DMD: variants seen among roughly 807,000 people sequenced by gnomAD.
DMD encodes dystrophin.
DMD carries 63 observed loss-of-function variants against 330.1 expected under a neutral mutation model. The ratio of observed to expected loss-of-function variants is 0.19; its 90% CI spans 0.16 to 0.24. The LOEUF (loss-of-function observed/expected upper bound fraction) is 0.24. Ranked by LOEUF, DMD falls within the 10% of genes least tolerant of loss-of-function variation. The pLI, the probability that DMD is intolerant of heterozygous loss-of-function variation, is 1.00. For synonymous variants in DMD, 1,223 were observed against 959.8 expected (o/e 1.27, Z -5.07); for missense variants, 3,344 against 2,684.1 (o/e 1.25, Z -5.43).
chrX:32,591,338 A>C (rs1048697801), intron 13 of DMD, among the ~76,000 whole-genome samples: 2 of 112,011 alleles, frequency 1.8e-5, no homozygotes, highest in Admixed American at 1.9e-4. Flanking sequence ...ACAGAATAAC[A>C]TACCTAAAAA....
intron 43 of DMD, among the ~76,000 whole-genome samples, chrX:32,262,816 T>C (rs1336804158): frequency 8.9e-6 from 1 of 111,932 alleles, no homozygotes; most frequent in Non-Finnish European, 1.9e-5. Flanking sequence ...GGCTCACATC[T>C]AATGACTAAT....
intron 66 of DMD, 77 bp from the exon 67 acceptor site, chrX:31,204,195 A>G: frequency 1.1e-6 from 1 of 915,725 alleles, no homozygotes; most frequent in Non-Finnish European, 1.6e-6. Context: ...ATCCAACTCA[A>G]TTCCAGTAGC....
intron 47 of DMD, among the ~76,000 whole-genome samples, chrX:31,921,145 C>A (rs60879516): frequency 0.37 from 40,104 of 109,592 alleles, 6,620 homozygotes; most frequent in African/African-American, 0.64. Flanking sequence ...TGAAAGTTTA[C>A]TTGCTTTCTG....
intron 44 of DMD, among the ~76,000 whole-genome samples, chrX:31,985,879 G>A (rs2095505572): frequency 1.8e-5 from 2 of 112,034 alleles, no homozygotes; most frequent in African/African-American, 3.2e-5. Context: ...TTTAGATAAA[G>A]TGACCTGGAA....
At chrX:32,732,731 C>A (rs1178110991) in intron 7 of DMD, among the ~76,000 whole-genome samples, 2 of 110,456 alleles carry the variant, frequency 1.8e-5, no homozygotes, top group South Asian at 7.8e-4. Context: ...TTGTCACCAC[C>A]AGGCCTGCCC....
intron 44 of DMD, among the ~76,000 whole-genome samples, chrX:32,201,259 A>C (rs1056857636): frequency 3.6e-5 from 4 of 112,164 alleles, no homozygotes; most frequent in African/African-American, 1.3e-4. Context: ...AATCATGTGA[A>C]TGTGATCTTT....
chrX:31,846,909 G>T lies in DMD; in HGVS notation c.7099-10090C>A, dbSNP rs892382131. On this transcript the variant is annotated intron_variant, in intron 48 of 78. Coordinates refer to ENST00000357033, the MANE Select transcript of DMD (RefSeq NM_004006.3). The stretch of plus-strand genomic sequence containing the variant: ...TTTAATTAATAAAATTGTTATTGGC[G>T]AATAAACAGAAATGGCAACAAGGCT... Among the ~76,000 whole-genome samples, 11 of 111,802 alleles carry T rather than the reference G, an allele frequency of 9.8e-5. 1 individual carries two copies. The South Asian group carries it at 4.1e-3, about 42-fold the overall frequency.
At chrX:32,666,435 C>G (rs773031701) in intron 9 of DMD, among the ~76,000 whole-genome samples, 101 of 110,944 alleles carry the variant, frequency 9.1e-4, no homozygotes, top group African/African-American at 3.1e-3. Context: ...TCAACTCCCA[C>G]TTATGAGTGA....
At position 33,019,899 on chromosome X, in the gene DMD, T is replaced by C. The variant is rs16990838; in HGVS notation, c.93+240A>G. Reference sequence around the variant, plus strand: ...TGAGGACTCATGTCATTAAAGAAACTCACATTGTCAAGAAGAATCAAAGAT... The same window carrying C: ...TGAGGACTCATGTCATTAAAGAAACCCACATTGTCAAGAAGAATCAAAGAT... On this transcript the variant is annotated intron_variant, in intron 2 of 78. Transcript: ENST00000357033. Among the ~76,000 whole-genome samples the C allele has an allele frequency of 0.065, 7,247 of 111,151 alleles. 586 individuals carry two copies. The highest frequency in any genetic ancestry group is 0.22 in the African/African-American group (6,740 of 30,482).
At chrX:32,902,250 G>C (rs1267454261) in intron 2 of DMD, among the ~76,000 whole-genome samples, 1 of 107,590 alleles carries the variant, frequency 9.3e-6, no homozygotes, top group East Asian at 2.9e-4. Flanking sequence ...CAGGTAAAAT[G>C]TCCTGTAAAT....
intron 1 of DMD, among the ~76,000 whole-genome samples, chrX:33,093,416 C>T (rs1325860): frequency 0.048 from 5,367 of 112,196 alleles, 246 homozygotes; most frequent in African/African-American, 0.14. Flanking sequence ...TGTCTTGTTA[C>T]TGTTTTGTTT....
intron 19 of DMD, among the ~76,000 whole-genome samples, chrX:32,492,484 A>C (rs1461381511): frequency 8.9e-6 from 1 of 112,667 alleles, no homozygotes; most frequent in East Asian, 2.8e-4. Flanking sequence ...AAACTTTATC[A>C]AGGGAAAAAT....
rs758932385 is a variant in DMD at position 32,614,323 on chromosome X, G to A, written c.1462C>T (p.Arg488Cys). The part of the protein sequence containing the change: ...PLGPDLEDLK[R>C]QVQQHKVLQE... ...CCTACCTTATGTTGTTGTACTTGGCGTTTTAGGTCTTCAAGATCAGGTCCA... is the reference window on the plus strand; with the variant it reads ...CCTACCTTATGTTGTTGTACTTGGCATTTTAGGTCTTCAAGATCAGGTCCA... The change falls in exon 12 of 79, where the codon CGC (arginine) becomes TGC (cysteine). Residue 488 changes from arginine (R) to cysteine (C), a missense_variant. Coordinates refer to ENST00000357033, the MANE Select transcript of DMD (RefSeq NM_004006.3). 7.6e-5 allele frequency: 92 copies of A among 1,205,796 alleles called. 1 individual carries two copies. Among genetic ancestry groups the A allele is most frequent in the Non-Finnish European group, 9.0e-5 (80 of 893,263 alleles).
At chrX:32,747,035 A>G (rs941610350) in intron 7 of DMD, among the ~76,000 whole-genome samples, 1 of 112,041 alleles carries the variant, frequency 8.9e-6, no homozygotes, top group Non-Finnish European at 1.9e-5. Context: ...ACAGGATTTC[A>G]TTCTTTTTAT....
At chrX:31,537,573 A>G (rs1039801285) in intron 55 of DMD, among the ~76,000 whole-genome samples, 1 of 112,145 alleles carries the variant, frequency 8.9e-6, no homozygotes, top group African/African-American at 3.2e-5. Context: ...GACAATTTCA[A>G]TAGTGTGCTG....
chrX:32,160,258 G>T (rs1018771892), intron 44 of DMD, among the ~76,000 whole-genome samples: 3 of 106,986 alleles, frequency 2.8e-5, no homozygotes, highest in Non-Finnish European at 5.8e-5. Context: ...TTTGAAGACA[G>T]GGTCTCACTC....
rs1279761524 is a variant in DMD at position 32,573,519 on chromosome X, A to G, written c.1812+11T>C. On this transcript the variant is annotated intron_variant, in intron 15 of 78. Coordinates refer to ENST00000357033, the MANE Select transcript of DMD (RefSeq NM_004006.3). ...TTTTTATAAGACCATTGAAAGCTAG[A>G]AAGTACATACGGCCAGTTTTTGAAG... 5.9e-6 allele frequency: 7 copies of G among 1,193,725 alleles called. No homozygotes were observed. The highest frequency in any genetic ancestry group is 8.0e-6 in the Non-Finnish European group (7 of 879,290).
chrX:31,408,697 C>T (rs2061508278), intron 60 of DMD, among the ~76,000 whole-genome samples: 1 of 98,287 alleles, frequency 1.0e-5, no homozygotes, highest in Admixed American at 1.1e-4. Context: ...CTGCACCCGG[C>T]CTCTTTGAAC....
chrX:32,062,288 G>C (rs1297220889), intron 44 of DMD, among the ~76,000 whole-genome samples: 1 of 111,251 alleles, frequency 9.0e-6, no homozygotes, highest in African/African-American at 3.3e-5. Context: ...AACACAATTA[G>C]AATGGAAGAA....
Sources: gnomAD v4.1 joint callset for allele counts (sites outside exome capture counted in the v4.1 genomes callset) on GRCh38, gnomAD v4.1.1 for gene constraint, MANE v1.5 for transcripts, NCBI Gene and HGNC (gene_info 2026-07-23, HGNC 2026-07-21) for gene names.